Variants in KIAA1549 observed in about 807,000 individuals in gnomAD.
The protein encoded by KIAA1549 is KIAA1549, also known as UPF0606 protein KIAA1549.
Under a neutral mutation model 156.4 loss-of-function variants are expected in KIAA1549, and 70 were observed. The observed-to-expected ratio is 0.45, with a 90% CI of 0.37 to 0.55. The LOEUF (loss-of-function observed/expected upper bound fraction) is 0.55, where lower values mean the gene tolerates loss of function less well. Ranked by LOEUF, KIAA1549 falls within the 20% of genes least tolerant of loss-of-function variation. The pLI is 0.00. For missense variants in KIAA1549, 2,428 were observed against 2,540.9 expected, an observed-to-expected ratio of 0.96 and a Z score of 0.96; for synonymous variants, 1,103 against 1,066.4, an observed-to-expected ratio of 1.03 and a Z score of -0.67.
chr7:138,844,503 G>A (rs1563046122), intron 17 of KIAA1549, 29 bp from the exon 18 acceptor site: 8 of 1,509,952 alleles, frequency 5.3e-6, no homozygotes, highest in Non-Finnish European at 5.3e-6. Flanking sequence ...AGCACATCAG[G>A]ACTCCACTGC....
At chr7:138,970,428 C>T (rs117071539) in intron 1 of KIAA1549, among the ~76,000 whole-genome samples, 3,792 of 152,308 alleles carry the variant, frequency 0.025, 77 homozygotes, top group Middle Eastern at 0.054. Context: ...CGCTACTGCT[C>T]CTACCCTCAG....
intron 2 of KIAA1549, among the ~76,000 whole-genome samples, chr7:138,915,289 C>T (rs1047203487): frequency 9.2e-5 from 14 of 152,178 alleles, no homozygotes; most frequent in Non-Finnish European, 2.1e-4. Context: ...ACTGCTATTA[C>T]TCTGTGGTTC....
Position 138,868,114 on chromosome 7 carries a change from C to T in KIAA1549, c.4790G>A (p.Arg1597His), listed in dbSNP as rs371072234. The stretch of plus-strand genomic sequence containing the variant: ...GTGTTTCCGGCGAGGCTTGGGAGAA[C>T]GTTTTATCCGTGAGCTGCCAGGAAA... The part of the protein sequence containing the change: ...IEPRKSSRIK[R>H]SPKPRRKHQV... Residue 1597 changes from arginine (R) to histidine (H), a missense_variant, in exon 15 of 20, where the codon CGT becomes CAT. Physicochemically the swap from Arg to His is conservative, Grantham distance 29. Around this residue, in one of 5 missense-constraint regions of KIAA1549, gnomAD observed 404 missense variants for 417.0 expected, o/e 0.97. Transcript: ENST00000422774. The T allele has an allele frequency of 3.8e-5, 61 of 1,613,164 alleles. No individual in the cohort carries two copies. Among genetic ancestry groups the T allele is most frequent in the African/African-American group, 5.3e-5 (4 of 74,882 alleles).
At chr7:138,906,572 C>T (rs761223057) in intron 6 of KIAA1549, among the ~76,000 whole-genome samples, 1 of 152,148 alleles carries the variant, frequency 6.6e-6, no homozygotes, top group Non-Finnish European at 1.5e-5. Context: ...AACCAAACAT[C>T]GTATGTTCTC....
intron 1 of KIAA1549, among the ~76,000 whole-genome samples, chr7:138,980,605 G>A (rs879429667): frequency 6.6e-6 from 1 of 152,234 alleles, no homozygotes; most frequent in African/African-American, 2.4e-5. Context: ...GGGGGGACAC[G>A]GCCGGCCTGC....
chr7:138,903,729 C>T lies in KIAA1549; in HGVS notation c.3528G>A (p.Leu1176=). 1 of 1,593,716 alleles carries T rather than the reference C, an allele frequency of 6.3e-7. No individual in the cohort carries two copies. Among genetic ancestry groups the T allele is most frequent in the Non-Finnish European group, 8.5e-7 (1 of 1,170,044 alleles). The part of the protein sequence containing the change: ...LKSSWVRTVL[L]GVMEKQLQNE... ...TCTGGAGTTGCTTCTCCATGACGCC[C>T]AGGAGAACTACATTTAAATGAAAAC... Residue 1176 remains leucine (L), a synonymous_variant, in exon 8 of 20, where the codon CTG becomes CTA. Transcript: ENST00000422774.
rs1265995072 is a variant in KIAA1549, at chr7:138,834,984, A to AC, written c.*2921_*2922insG. ...CAAAGTAGTCTCTGAAAAAAAAAAAAACAACATTTCTCCAAACATTCTGAC... is the reference window on the plus strand; with the variant it reads ...CAAAGTAGTCTCTGAAAAAAAAAAAACACAACATTTCTCCAAACATTCTGAC... On this transcript the variant is annotated 3_prime_UTR_variant, in exon 20 of 20. Coordinates refer to ENST00000422774, the MANE Select transcript of KIAA1549 (RefSeq NM_001164665.2). The AC allele has an allele frequency of 4.4e-6, 1 of 228,910 alleles. No homozygotes were observed. Among genetic ancestry groups the AC allele is most frequent in the Non-Finnish European group, 8.7e-6 (1 of 115,522 alleles). The allele number at this position is 228,910 out of a possible 1,614,324, so 14.2% of individuals were successfully genotyped here. A position where few individuals can be genotyped will look rare whatever the true frequency, so the allele number is the denominator to read the frequency against.
At position 138,893,626 on chromosome 7, in the gene KIAA1549, G is replaced by A. The variant is rs117972702; in HGVS notation, c.4032+716C>T. Reference sequence around the variant, plus strand: ...AAAATGTTCAAGGTATGTATTGTTCGTTTTTAATGATCAAGGTGGGTAAGT... The same window carrying A: ...AAAATGTTCAAGGTATGTATTGTTCATTTTTAATGATCAAGGTGGGTAAGT... On this transcript the variant is annotated intron_variant, in intron 10 of 19. Transcript: ENST00000422774. Among the ~76,000 whole-genome samples, 918 of 152,340 alleles carry A rather than the reference G, an allele frequency of 6.0e-3. 4 individuals carry two copies. The highest frequency in any genetic ancestry group is 9.8e-3 in the Non-Finnish European group (670 of 68,034).
chr7:138,853,264 T>C (rs1810285994), intron 16 of KIAA1549, among the ~76,000 whole-genome samples: 1 of 152,228 alleles, frequency 6.6e-6, no homozygotes, highest in Admixed American at 6.5e-5. Context: ...TGTCATTTAC[T>C]GAATTAGTAT....
chr7:138,910,849 C>T (rs1471663634), intron 4 of KIAA1549, among the ~76,000 whole-genome samples: 1 of 151,280 alleles, frequency 6.6e-6, no homozygotes. Context: ...GTGTGAGCCA[C>T]CATACCTGGC....
At chr7:138,968,242 G>T (rs779328789) in intron 1 of KIAA1549, among the ~76,000 whole-genome samples, 5 of 152,112 alleles carry the variant, frequency 3.3e-5, no homozygotes, top group Admixed American at 6.6e-5. Flanking sequence ...TGTATGCTGG[G>T]CTTAATACCC....
intron 12 of KIAA1549, among the ~76,000 whole-genome samples, chr7:138,878,659 G>T (rs1041604867): frequency 6.6e-6 from 1 of 152,014 alleles, no homozygotes; most frequent in African/African-American, 2.4e-5. Context: ...CTACTAAGGA[G>T]ACTGAGGTGG....
chr7:138,960,287 TTTTATTGATTTATTGA>T (rs201476379), intron 1 of KIAA1549, among the ~76,000 whole-genome samples: 65 of 90,276 alleles, frequency 7.2e-4, no homozygotes, highest in African/African-American at 3.1e-3. Flanking sequence ...ATAAATTTTA[TTTTATTGATTTATTGA>T]TTTATTTATT....
chr7:138,966,298 G>A lies in KIAA1549; in HGVS notation c.187+14785C>T, dbSNP rs1025771818. Among the ~76,000 whole-genome samples, 3 of 152,136 alleles carry A rather than the reference G, an allele frequency of 2.0e-5. No individual in the cohort carries two copies. In the East Asian group the frequency reaches 5.8e-4, roughly 29 times the overall value. On this transcript the variant is annotated intron_variant, in intron 1 of 19. Transcript: ENST00000422774. Reference sequence around the variant, plus strand: ...TTTGCACGCACACACACACACAGAGGGAACGCCATGTAAAGACTGGAGTCA... The same window carrying A: ...TTTGCACGCACACACACACACAGAGAGAACGCCATGTAAAGACTGGAGTCA...
intron 1 of KIAA1549, among the ~76,000 whole-genome samples, chr7:138,937,011 T>C (rs1011462867): frequency 6.6e-6 from 1 of 152,086 alleles, no homozygotes; most frequent in African/African-American, 2.4e-5. Context: ...AATCAAACTA[T>C]GTCACCCCAT....
intron 1 of KIAA1549, among the ~76,000 whole-genome samples, chr7:138,942,518 G>A (rs1015299253): frequency 6.6e-6 from 1 of 151,670 alleles, no homozygotes; most frequent in Admixed American, 6.6e-5. Flanking sequence ...AGGCCCACAG[G>A]GAGACCCAAA....
chr7:138,850,630 G>T (rs909737394), intron 17 of KIAA1549, among the ~76,000 whole-genome samples: 1 of 152,060 alleles, frequency 6.6e-6, no homozygotes, highest in Non-Finnish European at 1.5e-5. Context: ...CCATTCTATA[G>T]GACAGACAGC....
intron 12 of KIAA1549, among the ~76,000 whole-genome samples, chr7:138,872,625 C>T (rs960554602): frequency 3.3e-5 from 5 of 152,196 alleles, no homozygotes; most frequent in African/African-American, 1.2e-4. Flanking sequence ...GATCAACTGG[C>T]CAGGCACAAT....
rs1810564621 is a variant in KIAA1549 at position 138,861,263 on chromosome 7, G to A, written c.5123C>T (p.Ala1708Val). ...VAPSSQPASTAGVGPGVPPGL... is the reference protein window; with the variant it reads ...VAPSSQPASTVGVGPGVPPGL... Reference sequence around the variant, plus strand: ...GGGTGGGACTCCGGGGCCTACACCTGCGGTGCTGGCAGGCTGGCTGCTGGG... The same window carrying A: ...GGGTGGGACTCCGGGGCCTACACCTACGGTGCTGGCAGGCTGGCTGCTGGG... The change falls in exon 16 of 20, where the codon GCA becomes GTA. Residue 1708 changes from alanine (A) to valine (V), a missense_variant. Physicochemically the swap from Ala to Val is moderately conservative, Grantham distance 64. Around this residue, in one of 5 missense-constraint regions of KIAA1549, gnomAD observed 363 missense variants for 354.0 expected, o/e 1.03. Transcript: ENST00000422774. The A allele has an allele frequency of 4.3e-6, 7 of 1,609,310 alleles. No homozygotes were observed. Among genetic ancestry groups the A allele is most frequent in the Non-Finnish European group, 5.9e-6 (7 of 1,178,750 alleles).
Sources: allele counts gnomAD v4.1 joint callset (sites outside exome capture counted in the v4.1 genomes callset), GRCh38; gene constraint gnomAD v4.1.1; regional missense constraint gnomAD v4.1.1; transcripts MANE v1.5; gene names NCBI Gene and HGNC (gene_info 2026-07-23, HGNC 2026-07-21).